Variants in UVRAG observed in about 807,000 individuals in gnomAD.
UVRAG encodes UV radiation resistance associated, also known as UV radiation resistance-associated gene protein.
In UVRAG, 19 loss-of-function variants were observed where a neutral mutation model predicts 78.0. The ratio of observed to expected loss-of-function variants is 0.24; its 90% confidence interval spans 0.17 to 0.36. The LOEUF is 0.36. Ranked by LOEUF, UVRAG falls within the 10% of genes least tolerant of loss-of-function variation. The probability of loss-of-function intolerance (pLI) is 1.00; values close to 1 mark genes in which losing one functional copy is unlikely to be tolerated. For synonymous variants in UVRAG, 323 were observed against 324.6 expected, an observed-to-expected ratio of 1.00 and a Z score of 0.05; for missense variants, 740 against 853.8, an observed-to-expected ratio of 0.87 and a Z score of 1.66.
At chr11:75,890,005 T>G (rs1259083697) in intron 5 of UVRAG, among the ~76,000 whole-genome samples, 1 of 152,072 alleles carries the variant, frequency 6.6e-6, no homozygotes, top group African/African-American at 2.4e-5. Context: ...GAGAGAGCAT[T>G]TCAGCCAGAG....
At chr11:75,828,801 ATATATT>A (rs1430328801) in intron 1 of UVRAG, among the ~76,000 whole-genome samples, 23 of 74,924 alleles carry the variant, frequency 3.1e-4, no homozygotes, top group South Asian at 9.9e-4. Flanking sequence ...ATATATATAT[ATATATT>A]TTTTTTTTTT....
chr11:75,842,925 A>T (rs1316440165), intron 1 of UVRAG, among the ~76,000 whole-genome samples: 1 of 152,108 alleles, frequency 6.6e-6, no homozygotes, highest in Non-Finnish European at 1.5e-5. Flanking sequence ...TAGTTTGGTG[A>T]TGGTGGGGAT....
chr11:76,131,757 C>T (rs2134500716), intron 14 of UVRAG, among the ~76,000 whole-genome samples: 1 of 152,204 alleles, frequency 6.6e-6, no homozygotes. Flanking sequence ...GGTGAGAGGC[C>T]TTTGGATTGC....
At chr11:75,952,496 T>G (rs138598025) in intron 6 of UVRAG, among the ~76,000 whole-genome samples, 1 of 151,948 alleles carries the variant, frequency 6.6e-6, no homozygotes, top group Non-Finnish European at 1.5e-5. Context: ...ATCAAATGCT[T>G]CTTTTTTTGA....
At chr11:75,901,901 G>A (rs533492395) in intron 5 of UVRAG, among the ~76,000 whole-genome samples, 2 of 152,260 alleles carry the variant, frequency 1.3e-5, no homozygotes, top group East Asian at 3.9e-4. Context: ...CTTAAGTCCA[G>A]TGTGGATAGA....
At chr11:76,081,782 A>T (rs889785724) in intron 13 of UVRAG, among the ~76,000 whole-genome samples, 10 of 152,204 alleles carry the variant, frequency 6.6e-5, no homozygotes, top group Non-Finnish European at 1.2e-4. Context: ...ACCACTATTC[A>T]TAATAGCTGA....
chr11:75,944,124 G>A lies in UVRAG; in HGVS notation c.594-17320G>A, dbSNP rs369321632. On this transcript the variant is annotated intron_variant, in intron 6 of 14. Transcript: ENST00000356136. ...ACACAACCCACTTTCTGTTCTGAAC[G>A]TGTAATGCACTCTGCTTCCTTAATG... is the stretch of plus-strand genomic sequence containing the variant. 7.0e-4 allele frequency among the ~76,000 whole-genome samples: 106 copies of A among 152,206 alleles called. 1 individual carries two copies. Among genetic ancestry groups the A allele is most frequent in the African/African-American group, 2.4e-3 (101 of 41,534 alleles).
chr11:76,034,053 A>G (rs1386868162), intron 12 of UVRAG, among the ~76,000 whole-genome samples: 3 of 152,208 alleles, frequency 2.0e-5, no homozygotes, highest in African/African-American at 4.8e-5. Context: ...TGTATTATAT[A>G]GATATTTAAA....
intron 13 of UVRAG, among the ~76,000 whole-genome samples, chr11:76,088,322 G>A (rs937039108): frequency 4.6e-5 from 7 of 152,174 alleles, no homozygotes; most frequent in African/African-American, 1.7e-4. Context: ...GAAATACTTG[G>A]CATTTAGGTA....
At chr11:75,874,307 T>C (rs994892121) in intron 3 of UVRAG, among the ~76,000 whole-genome samples, 1 of 152,066 alleles carries the variant, frequency 6.6e-6, no homozygotes, top group Non-Finnish European at 1.5e-5. Context: ...AAAATGAACA[T>C]GAGACAAATT....
intron 13 of UVRAG, among the ~76,000 whole-genome samples, chr11:76,082,095 G>C (rs2134411612): frequency 6.6e-6 from 1 of 152,206 alleles, no homozygotes; most frequent in Non-Finnish European, 1.5e-5. Context: ...ATGAGAAAGG[G>C]GCTTGTGGAA....
At chr11:76,040,964 T>C (rs1388228460) in intron 12 of UVRAG, among the ~76,000 whole-genome samples, 2 of 152,146 alleles carry the variant, frequency 1.3e-5, no homozygotes, top group East Asian at 1.9e-4. Context: ...AAGAATATCA[T>C]GCACATTACT....
At position 75,902,797 on chromosome 11, in the gene UVRAG, T is replaced by C. The variant is rs564442730; in HGVS notation, c.508-9157T>C. ...TCCATTGACATAATCCAAGCTCAGA[T>C]CAACATTCCCAAAGGGCTGGGTCAC... On this transcript the variant is annotated intron_variant, in intron 5 of 14. Transcript: ENST00000356136. Among the ~76,000 whole-genome samples the C allele has an allele frequency of 1.9e-4, 29 of 152,294 alleles. No individual in the cohort carries two copies. In the South Asian group the frequency reaches 6.0e-3, roughly 32 times the overall value.
At chr11:76,092,200 G>T (rs1951712250) in intron 13 of UVRAG, among the ~76,000 whole-genome samples, 1 of 152,108 alleles carries the variant, frequency 6.6e-6, no homozygotes, top group South Asian at 2.1e-4. Flanking sequence ...GTATTCCATG[G>T]TGTATATGTG....
In UVRAG at chr11:75,900,051, C is replaced by T. The variant is rs560781982; in HGVS notation, c.507+11148C>T. ...CAGAGAATAATCTGGGAAAATGCCACGTTTCCTGTTATGAATTTGGAGGAT... is the reference window on the plus strand; with the variant it reads ...CAGAGAATAATCTGGGAAAATGCCATGTTTCCTGTTATGAATTTGGAGGAT... On this transcript the variant is annotated intron_variant, in intron 5 of 14. Coordinates refer to ENST00000356136, the MANE Select transcript of UVRAG (RefSeq NM_003369.4). Among the ~76,000 whole-genome samples, 8 of 152,322 alleles carry T rather than the reference C, an allele frequency of 5.3e-5. No homozygotes were observed. In the East Asian group the frequency reaches 5.8e-4, roughly 11 times the overall value.
intron 12 of UVRAG, among the ~76,000 whole-genome samples, chr11:76,023,240 G>T (rs578072556): frequency 6.6e-6 from 1 of 152,088 alleles, no homozygotes; most frequent in East Asian, 1.9e-4. Context: ...CTTTCTGGTT[G>T]CACTAAGCCT....
At chr11:75,832,104 GTC>G (rs1359083800) in intron 1 of UVRAG, among the ~76,000 whole-genome samples, 4 of 152,196 alleles carry the variant, frequency 2.6e-5, no homozygotes, top group African/African-American at 7.2e-5. Flanking sequence ...GTCAGGGACT[GTC>G]TGTACCTAGG....
chr11:76,141,077 C>T lies in UVRAG; in HGVS notation c.1764C>T (p.Ala588=), dbSNP rs1833172106. Residue 588 remains alanine (A), a synonymous_variant, in exon 15 of 15, where the codon GCC becomes GCT. Transcript: ENST00000356136. The part of the protein sequence containing the change: ...NVHPSQEQGE[A]LSGHRATVNG... ...ACCCTAGCCAAGAACAAGGAGAAGC[C>T]CTCTCCGGGCACCGGGCCACAGTCA... 1.2e-6 allele frequency: 2 copies of T among 1,614,120 alleles called. No individual in the cohort carries two copies. The highest frequency in any genetic ancestry group is 1.7e-4 in the Middle Eastern group (1 of 6,060).
Position 76,141,506 on chromosome 11 carries a change from A to G in UVRAG, c.*93A>G, listed in dbSNP as rs927955116. ...CCCTTTGTGATAATGATGACACAAA[A>G]TGAATATTAATGGAGGATATTCCTC... is the stretch of plus-strand genomic sequence containing the variant. On this transcript the variant is annotated 3_prime_UTR_variant, in exon 15 of 15. Transcript: ENST00000356136. 8.4e-7 allele frequency: 1 copy of G among 1,194,386 alleles called. No homozygotes were observed. Among genetic ancestry groups the G allele is most frequent in the Non-Finnish European group, 1.2e-6 (1 of 856,134 alleles). The allele number at this position is 1,194,386 out of a possible 1,614,324, so 74.0% of individuals were successfully genotyped here.
Sources: allele counts gnomAD v4.1 joint callset (sites outside exome capture counted in the v4.1 genomes callset), GRCh38; gene constraint gnomAD v4.1.1; transcripts MANE v1.5; gene names NCBI Gene and HGNC (gene_info 2026-07-23, HGNC 2026-07-21).